The following POFUT1 variants were observed in gnomAD, a reference collection of about 807,000 sequenced individuals.
POFUT1 encodes protein O-fucosyltransferase 1.
In POFUT1, 16 loss-of-function variants were observed where a neutral mutation model predicts 42.4. That is an observed-to-expected ratio of 0.38 (90% CI 0.26 to 0.57). The LOEUF (loss-of-function observed/expected upper bound fraction) is 0.57. POFUT1 is among the 20% of genes least tolerant of loss of function. The probability of loss-of-function intolerance (pLI) is 0.71; values close to 1 mark genes in which losing one functional copy is unlikely to be tolerated. For synonymous variants in POFUT1, 206 were observed against 205.4 expected (o/e 1.00, Z -0.03); for missense variants, 470 against 504.6 (o/e 0.93, Z 0.66).
In POFUT1 at chr20:32,234,850, A is replaced by G; in HGVS notation, c.*189A>G. ...CCATATCCCAGGGCATAGGACTTGC[A>G]GGTTCCTAGGAGCAGGAGCATCTCC... On this transcript the variant is annotated 3_prime_UTR_variant, in exon 7 of 7. Coordinates refer to ENST00000375749, the MANE Select transcript of POFUT1 (RefSeq NM_015352.2). 1 of 534,042 alleles carries G rather than the reference A, an allele frequency of 1.9e-6. No individual in the cohort carries two copies. The highest frequency in any genetic ancestry group is 3.1e-5 in the East Asian group (1 of 32,350). The allele number at this position is 534,042 out of a possible 1,614,324, so 33.1% of individuals were successfully genotyped here.
At chr20:32,218,418 C>G (rs1297894417) in intron 4 of POFUT1, among the ~76,000 whole-genome samples, 1 of 152,196 alleles carries the variant, frequency 6.6e-6, no homozygotes, top group African/African-American at 2.4e-5. Flanking sequence ...GGATTACAAG[C>G]ATGAGCTGCT....
At chr20:32,212,187 C>G (rs1600383979) in intron 2 of POFUT1, among the ~76,000 whole-genome samples, 2 of 152,178 alleles carry the variant, frequency 1.3e-5, no homozygotes, top group African/African-American at 4.8e-5. Context: ...TCTGTTGACT[C>G]CTGTGGCTTT....
intron 6 of POFUT1, among the ~76,000 whole-genome samples, chr20:32,234,137 G>A (rs78044259): frequency 0.022 from 3,420 of 152,316 alleles, 122 homozygotes; most frequent in African/African-American, 0.078. Flanking sequence ...GGGCAGTATA[G>A]CAAAAGCCCA....
chr20:32,216,844 CTCTG>C, intron 4 of POFUT1, 123 bp downstream of exon 4: 1 of 1,417,424 alleles, frequency 7.1e-7, no homozygotes, highest in Non-Finnish European at 9.7e-7. Flanking sequence ...GGTGCAGGTG[CTCTG>C]TCTGTTGAAC....
chr20:32,208,648 C>CAAAAAAAA (rs67714814), intron 1 of POFUT1, among the ~76,000 whole-genome samples: 1 of 93,614 alleles, frequency 1.1e-5, no homozygotes. Context: ...AATCCAATCT[C>CAAAAAAAA]AAAAAAAAAA....
intron 4 of POFUT1, among the ~76,000 whole-genome samples, chr20:32,220,761 A>C (rs531452206): frequency 6.7e-6 from 1 of 150,070 alleles, no homozygotes; most frequent in African/African-American, 2.4e-5. Flanking sequence ...AAAAGGCTTG[A>C]CTGAGCTACA....
In POFUT1 at chr20:32,210,188, C is replaced by G. The variant is rs2047319773; in HGVS notation, c.242C>G (p.Thr81Ser). 4 of 1,614,060 alleles carry G rather than the reference C, an allele frequency of 2.5e-6. No homozygotes were observed. Among genetic ancestry groups the G allele is most frequent in the African/African-American group, 2.7e-5 (2 of 74,926 alleles). Residue 81 changes from threonine to serine, a missense_variant, in exon 2 of 7, where the codon ACC (threonine) becomes AGC (serine). Thr to Ser is a moderately conservative substitution (Grantham distance 58, BLOSUM62 1). Coordinates refer to ENST00000375749, the MANE Select transcript of POFUT1 (RefSeq NM_015352.2). ...TACCAGCATCACAAGCCTCCTTTCACCAACGTGAGTACTTCCCACTGACCT... is the reference window on the plus strand; with the variant it reads ...TACCAGCATCACAAGCCTCCTTTCAGCAACGTGAGTACTTCCCACTGACCT... The part of the protein sequence containing the change: ...IEYQHHKPPF[T>S]NLHVSYQKYF...
At chr20:32,216,462 CA>C in intron 3 of POFUT1, 146 bp from the exon 4 acceptor site, 1 of 620,064 alleles carries the variant, frequency 1.6e-6, no homozygotes, top group Admixed American at 2.8e-5. Flanking sequence ...CTAGGAATTG[CA>C]GAGTGACATT....
chr20:32,230,183 C>T (rs1214924577), intron 5 of POFUT1, among the ~76,000 whole-genome samples: 1 of 151,694 alleles, frequency 6.6e-6, no homozygotes, highest in East Asian at 2.0e-4. Flanking sequence ...GTCAGGAGAT[C>T]AAGACCATCC....
In POFUT1 at chr20:32,237,665, G is replaced by T; in HGVS notation, c.*3004G>T. ...GATACAGGAAGCCTCCTAGGGTTCT[G>T]AGCAGAAGAGGGGCATGAGCTGATT... On this transcript the variant is annotated 3_prime_UTR_variant, in exon 7 of 7. Coordinates refer to ENST00000375749, the MANE Select transcript of POFUT1 (RefSeq NM_015352.2). 1 of 403,528 alleles carries T rather than the reference G, an allele frequency of 2.5e-6. No individual in the cohort carries two copies. The highest frequency in any genetic ancestry group is 6.8e-5 in the East Asian group (1 of 14,750). The allele number at this position is 403,528 out of a possible 1,614,324, so 25.0% of individuals were successfully genotyped here. A position where few individuals can be genotyped will look rare whatever the true frequency, so the allele number is the denominator to read the frequency against.
chr20:32,222,580 TC>T (rs2047396200), intron 4 of POFUT1: 4 of 985,078 alleles, frequency 4.1e-6, no homozygotes, highest in Non-Finnish European at 4.8e-6. Context: ...TCTTTTTCTT[TC>T]CCCCACCTCG....
chr20:32,213,120 A>G (rs1443915483), intron 2 of POFUT1, among the ~76,000 whole-genome samples: 3 of 152,010 alleles, frequency 2.0e-5, no homozygotes, highest in African/African-American at 4.8e-5. Flanking sequence ...TCCTGACCTC[A>G]GGTGATCCAT....
chr20:32,227,342 C>T (rs1432136148), intron 4 of POFUT1, among the ~76,000 whole-genome samples: 1 of 152,066 alleles, frequency 6.6e-6, no homozygotes, highest in African/African-American at 2.4e-5. Context: ...CATGGCGAAA[C>T]CCCGTCTCTA....
rs1488016143 is a variant in POFUT1 at position 32,237,631 on chromosome 20, A to C, written c.*2970A>C. The C allele has an allele frequency of 3.5e-5, 11 of 316,784 alleles. No homozygotes were observed. Among genetic ancestry groups the C allele is most frequent in the Non-Finnish European group, 6.7e-5 (10 of 148,772 alleles). 19.6% of individuals were successfully genotyped at this position (316,784 alleles called of 1,614,324 possible). On this transcript the variant is annotated 3_prime_UTR_variant, in exon 7 of 7. Transcript: ENST00000375749. ...TGGACGGCCATGGCAGGAAGCTTTT[A>C]GTTGGAGAGATACAGGAAGCCTCCT...
At chr20:32,214,821 T>C (rs1027948374) in intron 2 of POFUT1, among the ~76,000 whole-genome samples, 4 of 152,226 alleles carry the variant, frequency 2.6e-5, no homozygotes, top group Non-Finnish European at 1.5e-5. Context: ...CTGTCTATCC[T>C]AGCTTTGGCG....
chr20:32,224,456 A>G (rs553143836), intron 4 of POFUT1, among the ~76,000 whole-genome samples: 10 of 152,242 alleles, frequency 6.6e-5, no homozygotes, highest in Non-Finnish European at 1.5e-5. Context: ...ACCATCAAGG[A>G]ACACTTTCTT....
chr20:32,218,286 G>A (rs932005978), intron 4 of POFUT1, among the ~76,000 whole-genome samples: 7 of 152,110 alleles, frequency 4.6e-5, no homozygotes, highest in African/African-American at 1.7e-4. Flanking sequence ...GCAGGCATGT[G>A]CCACCATGCC....
chr20:32,208,113 A>G, intron 1 of POFUT1, 48 bp downstream of exon 1: 1 of 1,520,556 alleles, frequency 6.6e-7, no homozygotes, highest in Non-Finnish European at 8.8e-7. Context: ...TGAGGCCGGG[A>G]GAGGAAAAGC....
At chr20:32,225,221 G>A (rs2047408715) in intron 4 of POFUT1, among the ~76,000 whole-genome samples, 1 of 151,750 alleles carries the variant, frequency 6.6e-6, no homozygotes, top group Non-Finnish European at 1.5e-5. Flanking sequence ...ACGGAGTCTT[G>A]CTCTGTTGCC....
Sources: allele counts gnomAD v4.1 joint callset (sites outside exome capture counted in the v4.1 genomes callset), GRCh38; gene constraint gnomAD v4.1.1; transcripts MANE v1.5; gene names NCBI Gene and HGNC (gene_info 2026-07-23, HGNC 2026-07-21).